EIF2A: variants seen among roughly 807,000 people sequenced by gnomAD.
EIF2A encodes 65 kDa eukaryotic translation initiation factor 2A.
Under a neutral mutation model 75.2 loss-of-function variants are expected in EIF2A, and 62 were observed. The observed-to-expected ratio is 0.82, with a 90% confidence interval of 0.67 to 1.02. The LOEUF (loss-of-function observed/expected upper bound fraction) is 1.02, where lower values mean the gene tolerates loss of function less well. EIF2A is among the 50% of genes least tolerant of loss of function. The probability of loss-of-function intolerance (pLI) is 0.00; values close to 1 mark genes in which losing one functional copy is unlikely to be tolerated. For synonymous variants in EIF2A, 207 were observed against 239.0 expected (o/e 0.87, Z 1.23); for missense variants, 611 against 677.7 (o/e 0.90, Z 1.09).
At chr3:150,570,099 A>G (rs1259979656) in intron 9 of EIF2A, among the ~76,000 whole-genome samples, 1 of 152,332 alleles carries the variant, frequency 6.6e-6, no homozygotes, top group African/African-American at 2.4e-5. Context: ...ATAAGACTGC[A>G]GAGGAATTAG....
intron 2 of EIF2A, among the ~76,000 whole-genome samples, chr3:150,557,076 G>T (rs1252216780): frequency 6.6e-6 from 1 of 152,170 alleles, no homozygotes; most frequent in Non-Finnish European, 1.5e-5. Context: ...GTTTTAATTT[G>T]AGGGAAGGAC....
chr3:150,571,768 G>C (rs546388285), intron 9 of EIF2A, among the ~76,000 whole-genome samples, 190 bp from the exon 10 acceptor site: 1 of 152,138 alleles, frequency 6.6e-6, no homozygotes, highest in Admixed American at 6.5e-5. Flanking sequence ...TTCAATAGGG[G>C]TTCTTAAATA....
In EIF2A at chr3:150,564,316, A is replaced by G; in HGVS notation, c.410A>G (p.Glu137Gly). The G allele has an allele frequency of 6.3e-7, 1 of 1,595,612 alleles. No homozygotes were observed. Among genetic ancestry groups the G allele is most frequent in the Non-Finnish European group, 8.5e-7 (1 of 1,173,232 alleles). Residue 137 changes from glutamate (E) to glycine (G), a missense_variant, in exon 6 of 14, where the codon GAA becomes GGA. Coordinates refer to ENST00000460851, the MANE Select transcript of EIF2A (RefSeq NM_032025.5). The part of the protein sequence containing the change: ...KMQNWCPSWS[E>G]DETLCARNVN... ...TGACATAGGTGTCCATCCTGGTCAG[A>G]AGATGAAACTCTTTGTGCCCGCAAT...
At chr3:150,548,847 C>T (rs181825459) in intron 1 of EIF2A, among the ~76,000 whole-genome samples, 3 of 152,250 alleles carry the variant, frequency 2.0e-5, no homozygotes, top group East Asian at 1.9e-4. Context: ...TTAAGTGGTC[C>T]GATTCACACT....
intron 10 of EIF2A, among the ~76,000 whole-genome samples, chr3:150,575,136 A>G (rs1337924472): frequency 6.6e-6 from 1 of 152,134 alleles, no homozygotes; most frequent in Admixed American, 6.6e-5. Context: ...ATTTGTAATT[A>G]TCTAGTTAAT....
chr3:150,549,688 G>C (rs1723223100), intron 1 of EIF2A, among the ~76,000 whole-genome samples: 1 of 152,108 alleles, frequency 6.6e-6, no homozygotes, highest in Non-Finnish European at 1.5e-5. Context: ...GCTCACCTTT[G>C]TATCAGTCAA....
intron 11 of EIF2A, among the ~76,000 whole-genome samples, chr3:150,578,378 TTATAA>T (rs1438311341): frequency 6.7e-6 from 1 of 149,048 alleles, no homozygotes; most frequent in Non-Finnish European, 1.5e-5. Flanking sequence ...TTTATACATT[TTATAA>T]TATAAATTAT....
At chr3:150,554,754 A>G (rs1346689386) in intron 2 of EIF2A, among the ~76,000 whole-genome samples, 1 of 151,978 alleles carries the variant, frequency 6.6e-6, no homozygotes, top group Non-Finnish European at 1.5e-5. Context: ...TTGTCATCTG[A>G]CTCTACTGAC....
rs775454510 is a variant in EIF2A, at chr3:150,546,826, G to A, written c.24G>A (p.Leu8=). The change falls in exon 1 of 14, where the codon TTG becomes TTA. Residue 8 remains leucine (L), a synonymous_variant. Transcript: ENST00000460851. MAPSTPL[L]TVRGSEGLYM... ...ACATGGCGCCGTCCACGCCGCTCTT[G>A]ACAGGTGAGTTCTGAAGAAGCGAGG... 5.0e-6 allele frequency: 8 copies of A among 1,612,420 alleles called. No individual in the cohort carries two copies. The highest frequency in any genetic ancestry group is 2.2e-5 in the East Asian group (1 of 44,888).
intron 6 of EIF2A, chr3:150,566,732 T>G (rs1485572513): frequency 6.6e-6 from 1 of 152,082 alleles, no homozygotes; most frequent in African/African-American, 2.4e-5. Context: ...TTCCACATTA[T>G]CCACAAGGTA....
At chr3:150,575,027 A>T (rs1724776524) in intron 10 of EIF2A, among the ~76,000 whole-genome samples, 1 of 152,196 alleles carries the variant, frequency 6.6e-6, no homozygotes, top group African/African-American at 2.4e-5. Flanking sequence ...TAGTTGTTAC[A>T]TGGTTACATG....
intron 11 of EIF2A, among the ~76,000 whole-genome samples, chr3:150,578,650 A>G (rs1725008216): frequency 6.6e-6 from 1 of 152,124 alleles, no homozygotes; most frequent in Admixed American, 6.5e-5. Context: ...GTAATCCCTC[A>G]TTGTGGAATT....
At chr3:150,547,418 G>A (rs1050916019) in intron 1 of EIF2A, among the ~76,000 whole-genome samples, 3 of 152,176 alleles carry the variant, frequency 2.0e-5, no homozygotes, top group African/African-American at 7.2e-5. Flanking sequence ...ATGGTTATGA[G>A]CATATTAGAA....
chr3:150,581,718 T>C lies in EIF2A; in HGVS notation c.1598T>C (p.Ile533Thr), dbSNP rs201947847. The stretch of plus-strand genomic sequence containing the variant: ...CAGTCAATTTCTGGGGACCCTGAGA[T>C]AGACAAAAAAATCAAGAACCTAAAG... ...VSQSISGDPE[I>T]DKKIKNLKKK... Residue 533 changes from isoleucine (I) to threonine (T), a missense_variant, in exon 12 of 14, where the codon ATA (isoleucine) becomes ACA (threonine). Transcript: ENST00000460851. 1,711 of 1,557,248 alleles carry C rather than the reference T, an allele frequency of 1.1e-3. 1 individual carries two copies. Among genetic ancestry groups the C allele is most frequent in the Non-Finnish European group, 1.3e-3 (1,514 of 1,149,890 alleles).
At chr3:150,570,553 G>T (rs1724447673) in intron 9 of EIF2A, among the ~76,000 whole-genome samples, 1 of 146,018 alleles carries the variant, frequency 6.8e-6, no homozygotes, top group African/African-American at 2.5e-5. Context: ...GTGACAAAAT[G>T]AGACCATCTC....
At chr3:150,568,813 A>G (rs1724339629) in intron 9 of EIF2A, among the ~76,000 whole-genome samples, 1 of 152,160 alleles carries the variant, frequency 6.6e-6, no homozygotes. Flanking sequence ...GCTCCTCAGG[A>G]GACTGAGGCA....
At chr3:150,546,979 T>C (rs571742275) in intron 1 of EIF2A, 149 bp downstream of exon 1, 15 of 1,058,782 alleles carry the variant, frequency 1.4e-5, no homozygotes, top group Admixed American at 2.6e-5. Context: ...TTTCTTGATA[T>C]AGCGTGGCAA....
rs545021611 is a variant in EIF2A, at chr3:150,582,481, A to AT, written c.1627-713dup. ...AGGCGCCTGCCACCACACCTGGCTA[A>AT]TTTTTTGTATTTTTAGTAGAGACGG... On this transcript the variant is annotated intron_variant, in intron 12 of 13. Transcript: ENST00000460851. Among the ~76,000 whole-genome samples the AT allele has an allele frequency of 7.8e-3, 1,185 of 151,642 alleles. 10 individuals carry two copies. Among genetic ancestry groups the AT allele is most frequent in the Non-Finnish European group, 0.011 (780 of 67,904 alleles).
At chr3:150,574,230 T>C (rs61019785) in intron 10 of EIF2A, among the ~76,000 whole-genome samples, 22,574 of 152,106 alleles carry the variant, frequency 0.15, 1,702 homozygotes, top group Non-Finnish European at 0.16. Context: ...ACAAAGTTTA[T>C]TAATGAGAAT....
Sources: gnomAD v4.1 joint callset for allele counts (sites outside exome capture counted in the v4.1 genomes callset) on GRCh38, gnomAD v4.1.1 for gene constraint, MANE v1.5 for transcripts, NCBI Gene and HGNC (gene_info 2026-07-23, HGNC 2026-07-21) for gene names.